MAP4: variants seen among roughly 807,000 people sequenced by gnomAD.
The protein encoded by MAP4 is microtubule associated protein 4.
A neutral mutation model predicts 170.2 loss-of-function variants in MAP4; 76 were observed. The ratio of observed to expected loss-of-function variants is 0.45; its 90% CI spans 0.37 to 0.54. MAP4 has a LOEUF of 0.54. Ranked by LOEUF, MAP4 falls within the 20% of genes least tolerant of loss-of-function variation. The probability of loss-of-function intolerance (pLI) is 0.00; values close to 1 mark genes in which losing one functional copy is unlikely to be tolerated. For missense variants in MAP4, 2,506 were observed against 2,748.0 expected, an observed-to-expected ratio of 0.91 and a Z score of 1.97; for synonymous variants, 909 against 994.5, an observed-to-expected ratio of 0.91 and a Z score of 1.62.
chr3:47,911,830 G>C lies in MAP4; in HGVS notation c.2591C>G (p.Ala864Gly). The C allele has an allele frequency of 6.5e-7, 1 of 1,536,082 alleles. No homozygotes were observed. The highest frequency in any genetic ancestry group is 8.7e-7 in the Non-Finnish European group (1 of 1,146,902). Reference sequence around the variant, plus strand: ...CTGAGAACTTATTGCAGTTTTGGGGGCTTCTTCAGAAGGATATAAAGGAAT... The same window carrying C: ...CTGAGAACTTATTGCAGTTTTGGGGCCTTCTTCAGAAGGATATAAAGGAAT... ...LRIPLYPSEEAPKTAISSQSK... is the reference protein window; with the variant it reads ...LRIPLYPSEEGPKTAISSQSK... Residue 864 changes from alanine to glycine, a missense_variant, in exon 9 of 21, where the codon GCC becomes GGC. Ala to Gly is a moderately conservative substitution (Grantham distance 60). Around this residue, in one of 3 missense-constraint regions of MAP4, gnomAD observed 2,008 missense variants for 2,206.0 expected, o/e 0.91. Coordinates refer to ENST00000683076, the MANE Select transcript of MAP4 (RefSeq NM_001385682.1). The surrounding 1 kb of genome is among the most constrained non-coding windows in gnomAD (Gnocchi z 4.0).
intron 10 of MAP4, among the ~76,000 whole-genome samples, chr3:47,895,408 C>T (rs964804081): frequency 1.3e-5 from 2 of 152,246 alleles, no homozygotes; most frequent in African/African-American, 4.8e-5. Flanking sequence ...CACAGGCCCA[C>T]TGCTATGTCC....
At chr3:48,075,503 G>A (rs1462647593) in intron 1 of MAP4, among the ~76,000 whole-genome samples, 1 of 151,850 alleles carries the variant, frequency 6.6e-6, no homozygotes, top group African/African-American at 2.4e-5. Context: ...CTCCAGCCTG[G>A]GCAACGGAGC....
chr3:47,856,717 G>A (rs140246381), intron 18 of MAP4, among the ~76,000 whole-genome samples: 213 of 152,336 alleles, frequency 1.4e-3, no homozygotes, highest in Non-Finnish European at 2.5e-3. Context: ...ATGAGACACC[G>A]CGCCCGCCCT....
chr3:47,944,879 C>G (rs1286198777), intron 3 of MAP4, among the ~76,000 whole-genome samples: 1 of 148,952 alleles, frequency 6.7e-6, no homozygotes, highest in South Asian at 2.1e-4. Context: ...TGAATACTGA[C>G]TGGATATTTG....
At position 48,016,328 on chromosome 3, in the gene MAP4, A is replaced by C. The variant is rs560112709; in HGVS notation, c.-20+6T>G. On this transcript the variant is annotated splice_donor_region_variant and intron_variant, in intron 1 of 20. Coordinates refer to ENST00000683076, the MANE Select transcript of MAP4 (RefSeq NM_001385682.1). ...ACAAAGTTAAAAGGCTACCTTGCTT[A>C]CTTACAGGAACTATCCAGGCAGCTT... 6.7e-6 allele frequency: 1 copy of C among 149,826 alleles called. No individual in the cohort carries two copies. The highest frequency in any genetic ancestry group is 1.5e-5 in the Non-Finnish European group (1 of 67,902). The allele number at this position is 149,826 out of a possible 1,614,324, so 9.3% of individuals were successfully genotyped here.
intron 1 of MAP4, among the ~76,000 whole-genome samples, chr3:48,075,330 G>A (rs545319201): frequency 1.2e-4 from 18 of 152,100 alleles, no homozygotes; most frequent in Non-Finnish European, 1.9e-4. Flanking sequence ...TTCAAGACCC[G>A]TCTGACCAAA....
At chr3:48,061,856 CG>C (rs1162008901) in intron 1 of MAP4, among the ~76,000 whole-genome samples, 1 of 149,018 alleles carries the variant, frequency 6.7e-6, no homozygotes. Context: ...AGCCCCCGCC[CG>C]GCCAGCCACC....
chr3:47,982,908 TTTTG>T (rs2100086228), intron 2 of MAP4, among the ~76,000 whole-genome samples: 2 of 152,222 alleles, frequency 1.3e-5, no homozygotes, highest in South Asian at 4.1e-4. Flanking sequence ...TTTCTTTGTT[TTTTG>T]TTTGAGACAG....
intron 17 of MAP4, among the ~76,000 whole-genome samples, chr3:47,862,026 C>T (rs1194249524): frequency 4.7e-5 from 7 of 148,598 alleles, no homozygotes; most frequent in African/African-American, 9.9e-5. Flanking sequence ...CCGGGCGTGG[C>T]GGCGGGTGCC....
intron 1 of MAP4, among the ~76,000 whole-genome samples, chr3:48,066,927 G>A (rs1028409139): frequency 3.7e-5 from 5 of 134,040 alleles, no homozygotes; most frequent in Admixed American, 1.7e-4. Context: ...TGCAAGCTCC[G>A]CCTCCCAGGT....
intron 2 of MAP4, among the ~76,000 whole-genome samples, chr3:47,978,567 T>C (rs554471689): frequency 6.6e-5 from 10 of 152,220 alleles, no homozygotes; most frequent in African/African-American, 1.9e-4. Context: ...TTCACCGCCT[T>C]GGCCTCCCAA....
intron 3 of MAP4, among the ~76,000 whole-genome samples, chr3:47,951,001 A>C (rs191209729): frequency 1.4e-4 from 21 of 152,340 alleles, no homozygotes; most frequent in Non-Finnish European, 2.6e-4. Flanking sequence ...TACTCAACAA[A>C]TATATAAGAC....
At chr3:48,061,466 T>C (rs1304922580) in intron 1 of MAP4, among the ~76,000 whole-genome samples, 5 of 152,164 alleles carry the variant, frequency 3.3e-5, no homozygotes, top group Non-Finnish European at 5.9e-5. Context: ...GGTGCCGGGA[T>C]TGCAGATGGA....
Position 47,911,961 on chromosome 3 carries a change from A to G in MAP4, c.2460T>C (p.Gly820=). The stretch of plus-strand genomic sequence containing the variant: ...CTCCAGATACAAGTCCATATTCTGT[A>G]CCCATAGTGGTAGGCTGGCTGGGGA... The part of the protein sequence containing the change: ...GVLPSQPTTM[G]TEYGLVSGEN... Residue 820 remains glycine (G), a synonymous_variant, in exon 9 of 21, where the codon GGT becomes GGC. Transcript: ENST00000683076. The surrounding 1 kb of genome is among the most constrained non-coding windows in gnomAD (Gnocchi z 4.0). 1.3e-6 allele frequency: 2 copies of G among 1,536,046 alleles called. No individual in the cohort carries two copies. Among genetic ancestry groups the G allele is most frequent in the South Asian group, 2.4e-5 (2 of 84,054 alleles).
intron 1 of MAP4, among the ~76,000 whole-genome samples, chr3:48,013,900 C>T (rs2100106573): frequency 1.3e-5 from 2 of 152,104 alleles, no homozygotes; most frequent in African/African-American, 4.8e-5. Flanking sequence ...ACTAAGGGAA[C>T]ACACAGTTTT....
intron 17 of MAP4, 65 bp downstream of exon 17, chr3:47,867,181 C>G (rs1452679769): frequency 8.7e-7 from 1 of 1,145,160 alleles, no homozygotes; most frequent in Non-Finnish European, 1.3e-6. Context: ...GCACCTGGCT[C>G]TCTCCCTAGT....
At chr3:48,002,470 C>G (rs2100099733) in intron 1 of MAP4, among the ~76,000 whole-genome samples, 1 of 152,038 alleles carries the variant, frequency 6.6e-6, no homozygotes, top group African/African-American at 2.4e-5. Context: ...GCTGAAGTGT[C>G]ACAATCGCTT....
intron 1 of MAP4, among the ~76,000 whole-genome samples, chr3:48,065,687 T>C (rs376567060): frequency 1.3e-5 from 2 of 152,292 alleles, no homozygotes; most frequent in South Asian, 4.1e-4. Flanking sequence ...CTTAGTTTCT[T>C]ATAATCTGGA....
At chr3:48,049,017 T>C (rs1232278372) in intron 1 of MAP4, among the ~76,000 whole-genome samples, 1 of 152,246 alleles carries the variant, frequency 6.6e-6, no homozygotes, top group Non-Finnish European at 1.5e-5. Flanking sequence ...AATGGAACTA[T>C]ATAATATGTG....
Sources: allele counts gnomAD v4.1 joint callset (sites outside exome capture counted in the v4.1 genomes callset), GRCh38; gene constraint gnomAD v4.1.1; regional missense constraint gnomAD v4.1.1; non-coding constraint Gnocchi (gnomAD v3.1); transcripts MANE v1.5; gene names NCBI Gene and HGNC (gene_info 2026-07-23, HGNC 2026-07-21).